The following DNAH11 variants were observed in gnomAD, a reference collection of about 807,000 sequenced individuals.
The protein encoded by DNAH11 is dynein axonemal heavy chain 11.
DNAH11 carries 442 observed loss-of-function variants against 526.0 expected under a neutral mutation model. That is an observed-to-expected ratio of 0.84 (90% CI 0.78 to 0.91). The LOEUF (loss-of-function observed/expected upper bound fraction) is 0.91, where lower values mean the gene tolerates loss of function less well. DNAH11 is among the 40% of genes least tolerant of loss of function. The pLI is 0.00. For synonymous variants in DNAH11, 2,461 were observed against 1,935.9 expected, an observed-to-expected ratio of 1.27 and a Z score of -7.12; for missense variants, 6,989 against 5,448.7, an observed-to-expected ratio of 1.28 and a Z score of -8.90.
At chr7:21,614,984 C>A in intron 20 of DNAH11, 130 bp from the exon 21 acceptor site, 2 of 1,088,706 alleles carry the variant, frequency 1.8e-6, no homozygotes, top group Non-Finnish European at 1.3e-6. Context: ...CCAGTAATTA[C>A]GCTGCAGATT....
intron 8 of DNAH11, among the ~76,000 whole-genome samples, chr7:21,580,515 A>G (rs1784268386): frequency 6.6e-6 from 1 of 152,220 alleles, no homozygotes; most frequent in African/African-American, 2.4e-5. Context: ...ACAAAACACG[A>G]TAAACTGGGT....
At chr7:21,642,667 C>A (rs1293623122) in intron 28 of DNAH11, among the ~76,000 whole-genome samples, 1 of 152,162 alleles carries the variant, frequency 6.6e-6, no homozygotes, top group Non-Finnish European at 1.5e-5. Flanking sequence ...GATAACTCAT[C>A]TTGACATCTT....
intron 63 of DNAH11, among the ~76,000 whole-genome samples, chr7:21,809,265 C>T (rs939892167): frequency 4.6e-5 from 7 of 152,052 alleles, no homozygotes; most frequent in African/African-American, 1.7e-4. Flanking sequence ...TGTTTGAGTT[C>T]CTTATGTATT....
rs776036024 is a variant in DNAH11 at position 21,561,051 on chromosome 7, CT to C, written c.883-13del. The C allele has an allele frequency of 2.8e-5, 42 of 1,520,638 alleles. 1 individual carries two copies. In the Middle Eastern group the frequency reaches 4.2e-3, roughly 153 times the overall value. The allele number at this position is 1,520,638 out of a possible 1,614,324, so 94.2% of individuals were successfully genotyped here. On this transcript the variant is annotated intron_variant, in intron 4 of 81. Transcript: ENST00000409508. ...CGAGTTTATATTTATTAAAGTTCTT[CT>C]TTTTTTCCTTTAACTTAGCTTCAGG...
chr7:21,901,205 AGACTGCAAAATGGGTTCT>A lies in DNAH11; in HGVS notation c.13504_13521del (p.Thr4502_Leu4507del), dbSNP rs1354417178. 6.2e-7 allele frequency: 1 copy of A among 1,612,964 alleles called. No individual in the cohort carries two copies. The highest frequency in any genetic ancestry group is 8.5e-7 in the Non-Finnish European group (1 of 1,179,224). The stretch of plus-strand genomic sequence containing the variant: ...ACCTTCAGGCTGAAGAGCGAAGAGA[AGACTGCAAAATGGGTTCT>A]GGCTGGAGTGGCTCTGCTTCTAGAA... On this transcript the variant is annotated inframe_deletion, in exon 82 of 82. Coordinates refer to ENST00000409508, the MANE Select transcript of DNAH11 (RefSeq NM_001277115.2).
At chr7:21,639,303 G>T (rs1787015661) in intron 28 of DNAH11, among the ~76,000 whole-genome samples, 1 of 152,192 alleles carries the variant, frequency 6.6e-6, no homozygotes, top group Non-Finnish European at 1.5e-5. Flanking sequence ...GGCTTACAGT[G>T]CTGAAAGAAG....
At chr7:21,673,989 T>G (rs965337544) in intron 30 of DNAH11, among the ~76,000 whole-genome samples, 1 of 151,946 alleles carries the variant, frequency 6.6e-6, no homozygotes, top group African/African-American at 2.4e-5. Flanking sequence ...TCCTGCTCCT[T>G]AAATATTCCT....
intron 54 of DNAH11, among the ~76,000 whole-genome samples, chr7:21,750,967 G>T (rs1326117298): frequency 6.6e-6 from 1 of 152,184 alleles, no homozygotes; most frequent in Non-Finnish European, 1.5e-5. Context: ...GAGTAGTGAG[G>T]AGAGTTTTGA....
At chr7:21,779,848 T>G (rs1304391985) in intron 57 of DNAH11, among the ~76,000 whole-genome samples, 2 of 152,184 alleles carry the variant, frequency 1.3e-5, no homozygotes, top group East Asian at 3.9e-4. Flanking sequence ...TAAAAAATTC[T>G]TATTTTAGAC....
intron 74 of DNAH11, among the ~76,000 whole-genome samples, chr7:21,877,637 A>G (rs1054175101): frequency 2.0e-5 from 3 of 151,950 alleles, no homozygotes; most frequent in Non-Finnish European, 2.9e-5. Flanking sequence ...GCACTTTGGG[A>G]GGCCGAGGCG....
At chr7:21,619,730 C>T (rs939155637) in intron 24 of DNAH11, among the ~76,000 whole-genome samples, 4 of 152,134 alleles carry the variant, frequency 2.6e-5, no homozygotes, top group African/African-American at 4.8e-5. Context: ...GATAAACTCA[C>T]ATTCAGTAGA....
chr7:21,818,176 C>A, intron 64 of DNAH11, 41 bp from the exon 65 acceptor site: 1 of 1,584,188 alleles, frequency 6.3e-7, no homozygotes, highest in Non-Finnish European at 8.6e-7. Context: ...CATTTTGTGC[C>A]AATTTACATT....
In DNAH11 at chr7:21,784,485, T is replaced by A. The variant is rs747056886; in HGVS notation, c.9542T>A (p.Leu3181His). The A allele has an allele frequency of 6.2e-7, 1 of 1,613,574 alleles. No individual in the cohort carries two copies. The highest frequency in any genetic ancestry group is 1.1e-5 in the South Asian group (1 of 90,994). The change falls in exon 58 of 82, where the codon CTC (leucine) becomes CAC (histidine). Residue 3181 changes from leucine to histidine, a missense_variant. Transcript: ENST00000409508. ...CAGAGAGAATGTGAAGCTGACTTAC[T>A]CAAGGCTGAGCCTGCACTGGTGGCT... ...QKQRECEADLLKAEPALVAAT... is the reference protein window; with the variant it reads ...QKQRECEADLHKAEPALVAAT...
intron 44 of DNAH11, among the ~76,000 whole-genome samples, chr7:21,724,833 T>G (rs1305927719): frequency 5.0e-4 from 38 of 75,794 alleles, no homozygotes; most frequent in Non-Finnish European, 8.0e-5. Flanking sequence ...CAGGTCATCA[T>G]GTGGATATGG....
At chr7:21,726,889 A>T (rs1583632528) in intron 45 of DNAH11, among the ~76,000 whole-genome samples, 1 of 116,720 alleles carries the variant, frequency 8.6e-6, no homozygotes, top group African/African-American at 3.2e-5. Context: ...AAAAAAAAAA[A>T]AAGAATGCTT....
intron 25 of DNAH11, among the ~76,000 whole-genome samples, chr7:21,631,429 G>A (rs1340903360): frequency 6.6e-6 from 1 of 152,266 alleles, no homozygotes; most frequent in South Asian, 2.1e-4. Flanking sequence ...GTTGTTCAAA[G>A]TCTCATCTGA....
intron 35 of DNAH11, among the ~76,000 whole-genome samples, chr7:21,694,878 T>A (rs1382935560): frequency 6.6e-6 from 1 of 152,224 alleles, no homozygotes; most frequent in Non-Finnish European, 1.5e-5. Context: ...CCAGACTTTT[T>A]AATGAGTGCC....
chr7:21,615,866 C>T (rs1258531379), intron 21 of DNAH11, among the ~76,000 whole-genome samples: 2 of 152,034 alleles, frequency 1.3e-5, no homozygotes, highest in Admixed American at 6.6e-5. Flanking sequence ...CATGTGAAAG[C>T]TTATTTAGTT....
intron 45 of DNAH11, among the ~76,000 whole-genome samples, chr7:21,727,786 G>A (rs746335036): frequency 6.6e-6 from 1 of 152,174 alleles, no homozygotes; most frequent in East Asian, 1.9e-4. Flanking sequence ...CATAACAAAA[G>A]ACCAAAGACC....
Sources: allele counts gnomAD v4.1 joint callset (sites outside exome capture counted in the v4.1 genomes callset), GRCh38; gene constraint gnomAD v4.1.1; transcripts MANE v1.5; gene names NCBI Gene and HGNC (gene_info 2026-07-23, HGNC 2026-07-21).